Variants in VPS13D observed in about 807,000 individuals in gnomAD.
The protein encoded by VPS13D is intermembrane lipid transfer protein VPS13D.
VPS13D carries 187 observed loss-of-function variants against 461.9 expected under a neutral mutation model. The observed-to-expected ratio is 0.40, with a 90% confidence interval of 0.36 to 0.46. The LOEUF is 0.46. Among genes scored for constraint, VPS13D ranks in the 20% least tolerant of loss-of-function variants. VPS13D has a pLI of 0.60. For missense variants in VPS13D, 4,711 were observed against 5,364.9 expected (o/e 0.88, Z 3.81); for synonymous variants, 1,951 against 1,986.3 (o/e 0.98, Z 0.47).
intron 9 of VPS13D, 54 bp from the exon 10 acceptor site, chr1:12,257,881 C>T (rs1640969670): frequency 4.4e-6 from 7 of 1,601,846 alleles, no homozygotes; most frequent in Non-Finnish European, 5.1e-6. Context: ...GGATTGGTAG[C>T]CTTTTCGTTG....
chr1:12,259,495 G>A (rs553128868), intron 10 of VPS13D, among the ~76,000 whole-genome samples: 1 of 151,912 alleles, frequency 6.6e-6, no homozygotes, highest in East Asian at 1.9e-4. Flanking sequence ...ATAGAGACAG[G>A]GTTTCGCTGT....
chr1:12,392,514 C>A (rs1372339823), intron 60 of VPS13D, among the ~76,000 whole-genome samples: 5 of 135,636 alleles, frequency 3.7e-5, no homozygotes, highest in Middle Eastern at 3.4e-3. Context: ...TTAAGAAATT[C>A]TTGATTAAAA....
At chr1:12,468,228 T>C (rs1645515922) in intron 67 of VPS13D, among the ~76,000 whole-genome samples, 1 of 152,278 alleles carries the variant, frequency 6.6e-6, no homozygotes, top group Admixed American at 6.5e-5. Context: ...ACGGTGTCTA[T>C]TTCTTTTTGA....
Position 12,257,973 on chromosome 1 carries a change from T to C in VPS13D, c.980T>C (p.Leu327Ser), listed in dbSNP as rs1352227390. ...TGGTATTTTGCTTTGAATGCTAACTTGTATGAGATCAGAGAGCAGAGGAAA... is the reference window on the plus strand; with the variant it reads ...TGGTATTTTGCTTTGAATGCTAACTCGTATGAGATCAGAGAGCAGAGGAAA... The part of the protein sequence containing the change: ...EWWYFALNAN[L>S]YEIREQRKRC... The change falls in exon 10 of 70, where the codon TTG becomes TCG. Residue 327 changes from leucine (L) to serine (S), a missense_variant. This residue lies in a region of VPS13D where 4,411 missense variants were observed against 4,937.8 expected (regional missense o/e 0.89). Coordinates refer to ENST00000620676, the MANE Select transcript of VPS13D (RefSeq NM_015378.4). The C allele has an allele frequency of 1.9e-6, 3 of 1,614,066 alleles. No homozygotes were observed. Among genetic ancestry groups the C allele is most frequent in the Non-Finnish European group, 1.7e-6 (2 of 1,180,042 alleles).
intron 67 of VPS13D, among the ~76,000 whole-genome samples, chr1:12,465,400 G>A (rs989553918): frequency 5.1e-4 from 78 of 152,328 alleles, no homozygotes; most frequent in African/African-American, 1.8e-3. Flanking sequence ...GCTCAGGAGT[G>A]TTGGAGCTTA....
chr1:12,494,728 C>T (rs1421203196), intron 67 of VPS13D, among the ~76,000 whole-genome samples: 2 of 152,136 alleles, frequency 1.3e-5, no homozygotes, highest in African/African-American at 4.8e-5. Context: ...CCGTCATGTC[C>T]CTTTCTGTGT....
At chr1:12,440,308 A>G (rs796240800) in intron 65 of VPS13D, among the ~76,000 whole-genome samples, 13 of 152,306 alleles carry the variant, frequency 8.5e-5, no homozygotes, top group African/African-American at 2.9e-4. Flanking sequence ...TGAATGAAAA[A>G]TAAGAGGTGG....
At chr1:12,242,906 A>G (rs1640425132) in intron 3 of VPS13D, among the ~76,000 whole-genome samples, 2 of 151,736 alleles carry the variant, frequency 1.3e-5, no homozygotes. Flanking sequence ...TCTGTTCTAC[A>G]TTCAAGGTTT....
intron 58 of VPS13D, 124 bp downstream of exon 58, chr1:12,383,279 G>A: frequency 4.0e-6 from 4 of 997,216 alleles, no homozygotes; most frequent in Non-Finnish European, 5.6e-6. Flanking sequence ...ATCTTCATCT[G>A]TAAAATGGGG....
intron 24 of VPS13D, among the ~76,000 whole-genome samples, chr1:12,295,647 T>C (rs1438840351): frequency 6.6e-6 from 1 of 152,244 alleles, no homozygotes; most frequent in Non-Finnish European, 1.5e-5. Flanking sequence ...TTTTTTTCTT[T>C]CTTTAACAAC....
intron 60 of VPS13D, among the ~76,000 whole-genome samples, chr1:12,392,011 G>C (rs1403432365): frequency 6.6e-6 from 1 of 151,880 alleles, no homozygotes; most frequent in Non-Finnish European, 1.5e-5. Context: ...CAAGTGTGTG[G>C]TGCCACACTT....
intron 60 of VPS13D, among the ~76,000 whole-genome samples, chr1:12,391,171 C>T (rs934412660): frequency 6.6e-6 from 1 of 152,218 alleles, no homozygotes; most frequent in African/African-American, 2.4e-5. Flanking sequence ...ATGCAAAGTG[C>T]ATGACCAGAT....
At chr1:12,481,507 G>A (rs1480268950) in intron 67 of VPS13D, among the ~76,000 whole-genome samples, 1 of 152,222 alleles carries the variant, frequency 6.6e-6, no homozygotes, top group Admixed American at 6.5e-5. Context: ...TTTCCTAGAA[G>A]GACAAGTGCT....
chr1:12,231,992 C>T (rs1198797146), intron 1 of VPS13D, among the ~76,000 whole-genome samples: 3 of 152,042 alleles, frequency 2.0e-5, no homozygotes, highest in Admixed American at 2.0e-4. Flanking sequence ...AACACTCTGT[C>T]TCCAGAAAAA....
intron 50 of VPS13D, 55 bp downstream of exon 50, chr1:12,358,656 G>A: frequency 5.7e-6 from 9 of 1,592,538 alleles, no homozygotes; most frequent in African/African-American, 1.3e-5. Context: ...ATGACCTCAG[G>A]CTTGGAGGAA....
intron 30 of VPS13D, among the ~76,000 whole-genome samples, chr1:12,315,836 A>G (rs1018357572): frequency 2.0e-5 from 3 of 149,254 alleles, no homozygotes; most frequent in Non-Finnish European, 4.5e-5. Context: ...TTTTTTTTTG[A>G]GACGTAGTCT....
intron 12 of VPS13D, 32 bp downstream of exon 12, chr1:12,261,181 A>G (rs1448726121): frequency 6.2e-6 from 10 of 1,610,014 alleles, no homozygotes; most frequent in East Asian, 4.5e-5. Flanking sequence ...ACTTGATTCA[A>G]ACAAATTCGT....
chr1:12,370,387 C>T (rs1353999116), intron 54 of VPS13D, among the ~76,000 whole-genome samples: 1 of 152,176 alleles, frequency 6.6e-6, no homozygotes, highest in Non-Finnish European at 1.5e-5. Flanking sequence ...TGGAAAATAG[C>T]TTAATCTTTA....
intron 25 of VPS13D, among the ~76,000 whole-genome samples, chr1:12,301,098 T>C (rs191855653): frequency 6.6e-6 from 1 of 152,342 alleles, no homozygotes; most frequent in African/African-American, 2.4e-5. Flanking sequence ...TGCCATTTGC[T>C]GAATGCTTAT....
Sources: allele counts gnomAD v4.1 joint callset (sites outside exome capture counted in the v4.1 genomes callset), GRCh38; gene constraint gnomAD v4.1.1; regional missense constraint gnomAD v4.1.1; transcripts MANE v1.5; gene names NCBI Gene and HGNC (gene_info 2026-07-23, HGNC 2026-07-21).